The following DMGDH variants were observed in gnomAD, a reference collection of about 807,000 sequenced individuals.
The protein encoded by DMGDH is dimethylglycine dehydrogenase.
A neutral mutation model predicts 95.2 loss-of-function variants in DMGDH; 76 were observed. The ratio of observed to expected loss-of-function variants is 0.80; its 90% CI spans 0.66 to 0.97. DMGDH has a LOEUF of 0.97. DMGDH is among the 50% of genes least tolerant of loss of function. DMGDH has a pLI of 0.00. For missense variants in DMGDH, 987 were observed against 1,055.0 expected (o/e 0.94, Z 0.89); for synonymous variants, 345 against 377.6 (o/e 0.91, Z 1.00).
intron 15 of DMGDH, among the ~76,000 whole-genome samples, chr5:79,003,264 T>C (rs1753484804): frequency 6.6e-6 from 1 of 152,180 alleles, no homozygotes; most frequent in Admixed American, 6.5e-5. Flanking sequence ...AAGAAGACGT[T>C]ATCTCATCCA....
chr5:79,035,132 A>G (rs1421057069), intron 7 of DMGDH, among the ~76,000 whole-genome samples: 1 of 152,086 alleles, frequency 6.6e-6, no homozygotes, highest in Non-Finnish European at 1.5e-5. Context: ...TGGGCATTTT[A>G]ATAGACATGG....
At chr5:79,006,859 T>A in intron 14 of DMGDH, among the ~76,000 whole-genome samples, 1 of 103,838 alleles carries the variant, frequency 9.6e-6, no homozygotes, top group South Asian at 2.9e-4. Flanking sequence ...CCCCAGTCCA[T>A]TCCTTTCCTA....
intron 5 of DMGDH, among the ~76,000 whole-genome samples, chr5:79,050,798 A>G (rs1257913010): frequency 2.0e-5 from 3 of 152,208 alleles, no homozygotes; most frequent in African/African-American, 7.2e-5. Flanking sequence ...ACAAAAAGAG[A>G]AGATTATGAA....
intron 14 of DMGDH, among the ~76,000 whole-genome samples, chr5:79,014,420 T>G (rs1275168814): frequency 6.6e-6 from 1 of 152,204 alleles, no homozygotes; most frequent in Non-Finnish European, 1.5e-5. Flanking sequence ...AATATAGAGT[T>G]TTCATAATAG....
intron 7 of DMGDH, among the ~76,000 whole-genome samples, chr5:79,039,554 T>C (rs1754445986): frequency 6.6e-6 from 1 of 151,948 alleles, no homozygotes; most frequent in Non-Finnish European, 1.5e-5. Context: ...CTGGGGACTG[T>C]TGTGGGGTCA....
At chr5:79,004,601 T>C (rs1452067852) in intron 15 of DMGDH, among the ~76,000 whole-genome samples, 1 of 152,120 alleles carries the variant, frequency 6.6e-6, no homozygotes. Flanking sequence ...CAAAATTGGG[T>C]TTTACAAATA....
chr5:78,998,628 T>A lies in DMGDH; in HGVS notation c.2386-331A>T, dbSNP rs528800710. ...ACTTGGGGAGGCTGAGGCAGGCGGA[T>A]CATTTGAGGTCAGGAGTTCAAGAAC... is the stretch of plus-strand genomic sequence containing the variant. On this transcript the variant is annotated intron_variant, in intron 15 of 15. Coordinates refer to ENST00000255189, the MANE Select transcript of DMGDH (RefSeq NM_013391.3). 2.4e-3 allele frequency among the ~76,000 whole-genome samples: 361 copies of A among 152,312 alleles called. 1 individual carries two copies. Among genetic ancestry groups the A allele is most frequent in the Admixed American group, 4.4e-3 (67 of 15,304 alleles).
chr5:79,001,816 C>A (rs768481777), intron 15 of DMGDH, among the ~76,000 whole-genome samples: 4 of 152,220 alleles, frequency 2.6e-5, no homozygotes, highest in Admixed American at 6.5e-5. Flanking sequence ...TCTCTCTAAT[C>A]CAGGTTTAGA....
At chr5:79,014,368 G>A (rs17223387) in intron 14 of DMGDH, among the ~76,000 whole-genome samples, 1 of 152,014 alleles carries the variant, frequency 6.6e-6, no homozygotes, top group Non-Finnish European at 1.5e-5. Flanking sequence ...TGGACCTGTG[G>A]CTTTATCAGA....
At position 78,999,945 on chromosome 5, in the gene DMGDH, C is replaced by T. The variant is rs1753426206; in HGVS notation, c.2386-1648G>A. ...CTTTATATTATAAGAATTAAAGAAG[C>T]AGAGACTAGAAAATCACTTTTGGAA... On this transcript the variant is annotated intron_variant, in intron 15 of 15. Coordinates refer to ENST00000255189, the MANE Select transcript of DMGDH (RefSeq NM_013391.3). 2.7e-5 allele frequency among the ~76,000 whole-genome samples: 4 copies of T among 150,794 alleles called. No individual in the cohort carries two copies. The South Asian group carries it at 8.4e-4, about 32-fold the overall frequency.
At chr5:79,050,821 A>T (rs1047914982) in intron 5 of DMGDH, among the ~76,000 whole-genome samples, 1 of 152,232 alleles carries the variant, frequency 6.6e-6, no homozygotes, top group Admixed American at 6.5e-5. Context: ...ATGTTTAATA[A>T]TGTTCTAGAA....
chr5:79,065,608 G>T (rs1755355117), intron 1 of DMGDH, among the ~76,000 whole-genome samples: 1 of 152,204 alleles, frequency 6.6e-6, no homozygotes, highest in African/African-American at 2.4e-5. Flanking sequence ...TATTTTATAA[G>T]TAGGAGTATA....
chr5:79,060,647 G>A (rs188075527), intron 2 of DMGDH, among the ~76,000 whole-genome samples: 24 of 152,178 alleles, frequency 1.6e-4, no homozygotes, highest in African/African-American at 2.9e-4. Context: ...TCAGCCTGGC[G>A]CGGTGGCTCA....
intron 1 of DMGDH, among the ~76,000 whole-genome samples, chr5:79,065,698 T>G (rs985197703): frequency 1.3e-5 from 2 of 152,232 alleles, no homozygotes; most frequent in Non-Finnish European, 2.9e-5. Flanking sequence ...TGTCAAGCAT[T>G]ATGTACTGTA....
intron 7 of DMGDH, among the ~76,000 whole-genome samples, chr5:79,035,429 C>T (rs1240414724): frequency 6.6e-6 from 1 of 152,134 alleles, no homozygotes; most frequent in Non-Finnish European, 1.5e-5. Flanking sequence ...AGATCAGCCC[C>T]CACACAGAGG....
At chr5:79,011,065 G>T (rs1398498224) in intron 14 of DMGDH, among the ~76,000 whole-genome samples, 2 of 152,130 alleles carry the variant, frequency 1.3e-5, no homozygotes, top group Admixed American at 6.6e-5. Flanking sequence ...TCTTCACTCA[G>T]TTGTGCAGTA....
Position 79,044,437 on chromosome 5 carries a change from T to C in DMGDH, c.861A>G (p.Glu287=). Residue 287 remains glutamate, a synonymous_variant, in exon 6 of 16, where the codon GAA becomes GAG. Coordinates refer to ENST00000255189, the MANE Select transcript of DMGDH (RefSeq NM_013391.3). ...TISEVKALKR[E]LPVLRDLEGS... ...CTTCCAGGTCACGGAGCACAGGCAG[T>C]TCTCGTTTCAAAGCTTTCACTTCAG... 6.2e-7 allele frequency: 1 copy of C among 1,614,070 alleles called. No homozygotes were observed. Among genetic ancestry groups the C allele is most frequent in the Non-Finnish European group, 8.5e-7 (1 of 1,180,018 alleles).
intron 5 of DMGDH, among the ~76,000 whole-genome samples, chr5:79,049,212 C>G (rs1754766115): frequency 6.6e-6 from 1 of 152,134 alleles, no homozygotes; most frequent in Non-Finnish European, 1.5e-5. Context: ...TAGGTCAGAT[C>G]TCTTTGGAGA....
chr5:79,031,778 T>C (rs1353900011), intron 9 of DMGDH, among the ~76,000 whole-genome samples: 1 of 152,178 alleles, frequency 6.6e-6, no homozygotes, highest in Admixed American at 6.5e-5. Flanking sequence ...TTTCAATAGT[T>C]TAATTATTAA....
Sources: allele counts gnomAD v4.1 joint callset (sites outside exome capture counted in the v4.1 genomes callset), GRCh38; gene constraint gnomAD v4.1.1; transcripts MANE v1.5; gene names NCBI Gene and HGNC (gene_info 2026-07-23, HGNC 2026-07-21).